The following MID1 variants were observed in gnomAD, a reference collection of about 807,000 sequenced individuals.
The protein encoded by MID1 is E3 ubiquitin-protein ligase Midline-1.
A neutral mutation model predicts 40.4 loss-of-function variants in MID1; 7 were observed. The observed-to-expected ratio is 0.17, with a 90% CI of 0.10 to 0.33. The LOEUF (loss-of-function observed/expected upper bound fraction) is 0.33. Ranked by LOEUF, MID1 falls within the 10% of genes least tolerant of loss-of-function variation. MID1 has a pLI of 1.00. For synonymous variants in MID1, 229 were observed against 221.2 expected (o/e 1.04, Z -0.31); for missense variants, 367 against 558.5 (o/e 0.66, Z 3.46).
At chrX:10,757,765 T>C (rs1480912242) in intron 1 of MID1, among the ~76,000 whole-genome samples, 1 of 111,555 alleles carries the variant, frequency 9.0e-6, no homozygotes, top group Non-Finnish European at 1.9e-5. Context: ...AAGAAATAAA[T>C]GTTCTGCTTA....
At chrX:10,503,103 C>G (rs1261572910) in intron 3 of MID1, among the ~76,000 whole-genome samples, 6 of 111,203 alleles carry the variant, frequency 5.4e-5, no homozygotes, top group African/African-American at 2.0e-4. Flanking sequence ...GCTCTACACC[C>G]CGCTGTGTAC....
chrX:10,473,361 T>G (rs1435558534), intron 6 of MID1, among the ~76,000 whole-genome samples: 1 of 112,405 alleles, frequency 8.9e-6, no homozygotes, highest in African/African-American at 3.2e-5. Flanking sequence ...ATTTCTTTCT[T>G]CCTTAATAGG....
chrX:10,733,880 T>C (rs2093008852), intron 1 of MID1, among the ~76,000 whole-genome samples: 1 of 112,300 alleles, frequency 8.9e-6, no homozygotes, highest in African/African-American at 3.2e-5. Context: ...GATTGGAAAT[T>C]GGTTTTGTAG....
At chrX:10,619,293 G>A (rs952815379) in intron 1 of MID1, among the ~76,000 whole-genome samples, 3 of 112,308 alleles carry the variant, frequency 2.7e-5, no homozygotes, top group African/African-American at 9.7e-5. Flanking sequence ...AACCCACTTA[G>A]AAGAAAAAGT....
At chrX:10,822,085 A>G (rs1265234865) in intron 1 of MID1, among the ~76,000 whole-genome samples, 1 of 110,783 alleles carries the variant, frequency 9.0e-6, no homozygotes, top group Non-Finnish European at 1.9e-5. Context: ...CTTGATCTTA[A>G]AAAATTATGG....
intron 1 of MID1, among the ~76,000 whole-genome samples, chrX:10,781,125 A>T (rs12009787): frequency 0.1 from 11,616 of 111,842 alleles, 1,455 homozygotes; most frequent in African/African-American, 0.36. Context: ...AAGAGAATCA[A>T]GCTTTTGCCT....
chrX:10,830,010 T>C (rs1483691048), intron 1 of MID1, among the ~76,000 whole-genome samples: 2 of 112,127 alleles, frequency 1.8e-5, no homozygotes, highest in African/African-American at 3.2e-5. Context: ...GTTTTGAAAA[T>C]TACATTAACA....
chrX:10,772,620 A>G (rs2043778545), intron 1 of MID1, among the ~76,000 whole-genome samples: 1 of 111,170 alleles, frequency 9.0e-6, no homozygotes, highest in African/African-American at 3.3e-5. Flanking sequence ...AAACTAAATT[A>G]AACTTAAATA....
intron 1 of MID1, among the ~76,000 whole-genome samples, chrX:10,646,470 G>C (rs932463092): frequency 9.0e-6 from 1 of 111,601 alleles, no homozygotes; most frequent in Non-Finnish European, 1.9e-5. Flanking sequence ...AACAGAAATA[G>C]GCTAATGAGA....
chrX:10,790,529 T>C (rs1466826740), intron 1 of MID1, among the ~76,000 whole-genome samples: 1 of 110,389 alleles, frequency 9.1e-6, no homozygotes, highest in Non-Finnish European at 1.9e-5. Flanking sequence ...GACATCCAGG[T>C]ATTTTCATCC....
Position 10,482,467 on chromosome X carries a change from C to A in MID1, c.1013+13G>T, listed in dbSNP as rs1930385244. 1.7e-6 allele frequency: 2 copies of A among 1,209,070 alleles called. No individual in the cohort carries two copies. Among genetic ancestry groups the A allele is most frequent in the Non-Finnish European group, 2.2e-6 (2 of 894,542 alleles). ...CCAGCAGCCGAGAAATTCCCAGGGG[C>A]CCCTGCACTCACCTCTCGGTGATAT... On this transcript the variant is annotated intron_variant, in intron 5 of 9. Transcript: ENST00000317552.
chrX:10,802,838 T>C (rs1013132958), intron 1 of MID1, among the ~76,000 whole-genome samples: 2 of 112,091 alleles, frequency 1.8e-5, no homozygotes, highest in Non-Finnish European at 3.8e-5. Flanking sequence ...TGAAATACTA[T>C]GCAGCCATAA....
intron 8 of MID1, among the ~76,000 whole-genome samples, chrX:10,458,775 C>T (rs1928841449): frequency 9.0e-6 from 1 of 111,377 alleles, no homozygotes; most frequent in Non-Finnish European, 1.9e-5. Flanking sequence ...TACTGAGAAA[C>T]AAGGATATAG....
At chrX:10,598,966 C>T (rs928493680) in intron 1 of MID1, among the ~76,000 whole-genome samples, 12 of 112,100 alleles carry the variant, frequency 1.1e-4, no homozygotes, top group African/African-American at 2.9e-4. Flanking sequence ...AACACACCTT[C>T]CCTTCTCTAT....
Position 10,569,009 on chromosome X carries a change from G to A in MID1, c.-56-1406C>T, listed in dbSNP as rs141038787. On this transcript the variant is annotated intron_variant, in intron 1 of 9. Transcript: ENST00000317552. ...GGTGGTGGGGAGAGCGTTCTCAGCC[G>A]GATTTATGGGAAGGCTTCACATCCA... 1.4e-3 allele frequency among the ~76,000 whole-genome samples: 153 copies of A among 111,524 alleles called. 1 individual carries two copies. The Middle Eastern group carries it at 0.033, about 24-fold the overall frequency.
intron 2 of MID1, among the ~76,000 whole-genome samples, chrX:10,539,643 C>T (rs1162748743): frequency 8.9e-6 from 1 of 112,556 alleles, no homozygotes; most frequent in African/African-American, 3.2e-5. Context: ...TTATAATGAT[C>T]TCCTGAATTT....
intron 3 of MID1, among the ~76,000 whole-genome samples, chrX:10,518,045 A>T (rs778571180): frequency 3.6e-5 from 4 of 112,442 alleles, no homozygotes; most frequent in East Asian, 2.8e-4. Context: ...ACAAACTAGC[A>T]AGACACTGTA....
intron 2 of MID1, among the ~76,000 whole-genome samples, chrX:10,534,418 C>T (rs5979317): frequency 0.32 from 35,299 of 111,237 alleles, 4,349 homozygotes; most frequent in Non-Finnish European, 0.38. Context: ...CACCACGCAT[C>T]CTGCAGGTAC....
At chrX:10,804,533 T>C (rs1209449273) in intron 1 of MID1, among the ~76,000 whole-genome samples, 1 of 111,933 alleles carries the variant, frequency 8.9e-6, no homozygotes, top group Non-Finnish European at 1.9e-5. Context: ...ATCTTTACGT[T>C]TCCCTAGAAA....
Sources: gnomAD v4.1 joint callset for allele counts (sites outside exome capture counted in the v4.1 genomes callset) on GRCh38, gnomAD v4.1.1 for gene constraint, MANE v1.5 for transcripts, NCBI Gene and HGNC (gene_info 2026-07-23, HGNC 2026-07-21) for gene names.